WWOX: variants seen among roughly 807,000 people sequenced by gnomAD.
WWOX encodes the protein WW domain-containing oxidoreductase.
Under a neutral mutation model 46.2 loss-of-function variants are expected in WWOX, and 69 were observed. That is an observed-to-expected ratio of 1.49 (90% CI 1.23 to 1.82). The LOEUF is 1.82. Ranked by LOEUF, WWOX falls within the 40% of genes most tolerant of loss-of-function variation. The pLI is 0.00. For synonymous variants in WWOX, 359 were observed against 202.6 expected, an observed-to-expected ratio of 1.77 and a Z score of -6.56; for missense variants, 919 against 542.6, an observed-to-expected ratio of 1.69 and a Z score of -6.89.
chr16:79,059,483 T>C (rs1330227805), intron 8 of WWOX, among the ~76,000 whole-genome samples: 1 of 152,204 alleles, frequency 6.6e-6, no homozygotes, highest in Non-Finnish European at 1.5e-5. Context: ...CTCAGTCTTT[T>C]TTATTTATAT....
rs538433154 is a variant in WWOX, at chr16:79,186,257, A to G, written c.1057-25351A>G. Among the ~76,000 whole-genome samples, 4 of 152,322 alleles carry G rather than the reference A, an allele frequency of 2.6e-5. No homozygotes were observed. The South Asian group carries it at 8.3e-4, about 32-fold the overall frequency. ...GCTGCTGTAACAAACTGCACAGCCT[A>G]GAGGGCTTCAAACAACAGGAATATT... On this transcript the variant is annotated intron_variant, in intron 8 of 8. Coordinates refer to ENST00000566780, the MANE Select transcript of WWOX (RefSeq NM_016373.4).
At chr16:78,522,797 C>T (rs368263607) in intron 8 of WWOX, among the ~76,000 whole-genome samples, 3 of 152,192 alleles carry the variant, frequency 2.0e-5, no homozygotes, top group East Asian at 1.9e-4. Context: ...GTGGGCCAGG[C>T]GCAGTGGCTC....
intron 8 of WWOX, among the ~76,000 whole-genome samples, chr16:79,120,817 G>A (rs1485920293): frequency 6.6e-6 from 1 of 152,194 alleles, no homozygotes; most frequent in African/African-American, 2.4e-5. Flanking sequence ...TGCCCCGGCT[G>A]GAGTGCAGTG....
intron 8 of WWOX, among the ~76,000 whole-genome samples, chr16:78,793,721 A>C (rs2050667648): frequency 1.3e-5 from 2 of 152,160 alleles, no homozygotes; most frequent in South Asian, 4.1e-4. Context: ...AATGCAACTC[A>C]TCCTTGCAGT....
At chr16:78,148,547 A>G (rs2034287063) in intron 4 of WWOX, among the ~76,000 whole-genome samples, 1 of 151,776 alleles carries the variant, frequency 6.6e-6, no homozygotes, top group African/African-American at 2.4e-5. Flanking sequence ...TAAATTTTTT[A>G]TGTTTTATTT....
At chr16:78,578,280 A>ATTTTTTTTT (rs1433554555) in intron 8 of WWOX, among the ~76,000 whole-genome samples, 8 of 35,408 alleles carry the variant, frequency 2.3e-4, no homozygotes, top group African/African-American at 4.2e-4. Context: ...ATATATATAT[A>ATTTTTTTTT]TATATTTTTT....
At chr16:78,408,360 T>C (rs1281551836) in intron 6 of WWOX, among the ~76,000 whole-genome samples, 1 of 152,192 alleles carries the variant, frequency 6.6e-6, no homozygotes, top group African/African-American at 2.4e-5. Context: ...TGAGTTAATA[T>C]AAGGCCCCAG....
chr16:78,688,019 G>A (rs2047901627), intron 8 of WWOX, among the ~76,000 whole-genome samples: 2 of 152,116 alleles, frequency 1.3e-5, no homozygotes, highest in Non-Finnish European at 2.9e-5. Context: ...GCCGAAACAG[G>A]AGTTATTTAA....
chr16:78,543,722 G>C (rs2151531343), intron 8 of WWOX, among the ~76,000 whole-genome samples: 1 of 152,236 alleles, frequency 6.6e-6, no homozygotes, highest in African/African-American at 2.4e-5. Context: ...GTCTTGTGGA[G>C]GGAACATCCA....
intron 8 of WWOX, among the ~76,000 whole-genome samples, chr16:78,822,892 A>G (rs549374150): frequency 8.9e-4 from 135 of 152,292 alleles, no homozygotes; most frequent in African/African-American, 3.2e-3. Context: ...CCTAGCAAGA[A>G]ACATCATAAA....
At chr16:79,070,508 G>C (rs1404567574) in intron 8 of WWOX, among the ~76,000 whole-genome samples, 1 of 152,176 alleles carries the variant, frequency 6.6e-6, no homozygotes, top group African/African-American at 2.4e-5. Context: ...GAAGGGTGGA[G>C]CGTCTGCCTT....
intron 8 of WWOX, among the ~76,000 whole-genome samples, chr16:79,125,719 C>A (rs763138961): frequency 3.3e-5 from 5 of 152,198 alleles, no homozygotes; most frequent in African/African-American, 1.2e-4. Context: ...AATCCCTGAT[C>A]TGGAGGAACA....
intron 8 of WWOX, among the ~76,000 whole-genome samples, chr16:78,868,113 C>A (rs760667897): frequency 5.9e-5 from 9 of 152,106 alleles, no homozygotes; most frequent in African/African-American, 2.2e-4. Flanking sequence ...GATAGCCAAA[C>A]GCCGGAAATA....
intron 8 of WWOX, among the ~76,000 whole-genome samples, chr16:79,052,899 T>C (rs2048195472): frequency 1.3e-5 from 2 of 148,572 alleles, no homozygotes; most frequent in African/African-American, 4.9e-5. Context: ...ATGTCTGCAA[T>C]CGATCTGAAA....
intron 8 of WWOX, among the ~76,000 whole-genome samples, chr16:78,728,025 C>T (rs1215758340): frequency 6.7e-6 from 1 of 149,572 alleles, no homozygotes; most frequent in Non-Finnish European, 1.5e-5. Flanking sequence ...ACATAGATAA[C>T]TCCCTTCCTC....
chr16:78,528,390 G>A (rs1055271483), intron 8 of WWOX, among the ~76,000 whole-genome samples: 1 of 151,726 alleles, frequency 6.6e-6, no homozygotes, highest in East Asian at 1.9e-4. Flanking sequence ...ATTAACAGCA[G>A]AAGATCGCTC....
intron 8 of WWOX, among the ~76,000 whole-genome samples, chr16:79,001,415 C>G (rs1389643513): frequency 5.9e-5 from 9 of 152,134 alleles, no homozygotes. Flanking sequence ...CAGCATGTAA[C>G]TCGAGTGTTC....
intron 8 of WWOX, among the ~76,000 whole-genome samples, chr16:78,488,615 A>G (rs545193132): frequency 4.1e-4 from 62 of 152,046 alleles, no homozygotes; most frequent in Non-Finnish European, 7.2e-4. Context: ...GCTGCTTGTG[A>G]TATACAATGT....
intron 8 of WWOX, among the ~76,000 whole-genome samples, chr16:78,801,337 C>G (rs1171990871): frequency 3.3e-5 from 5 of 152,062 alleles, no homozygotes; most frequent in Admixed American, 6.5e-5. Context: ...TGGTGAAATC[C>G]CATCTCTACT....
Sources: gnomAD v4.1 joint callset for allele counts (sites outside exome capture counted in the v4.1 genomes callset) on GRCh38, gnomAD v4.1.1 for gene constraint, MANE v1.5 for transcripts, NCBI Gene and HGNC (gene_info 2026-07-23, HGNC 2026-07-21) for gene names.